BPIFB3: variants seen among roughly 807,000 people sequenced by gnomAD.
The protein encoded by BPIFB3 is BPI fold containing family B member 3, also known as BPI fold-containing family B member 3.
A neutral mutation model predicts 53.1 loss-of-function variants in BPIFB3; 49 were observed. That is an observed-to-expected ratio of 0.92 (90% CI 0.73 to 1.17). The LOEUF (loss-of-function observed/expected upper bound fraction) is 1.17, where lower values mean the gene tolerates loss of function less well. Among genes scored for constraint, BPIFB3 ranks in the 50% most tolerant of loss-of-function variants. The probability of loss-of-function intolerance (pLI) is 0.00; values close to 1 mark genes in which losing one functional copy is unlikely to be tolerated. For synonymous variants in BPIFB3, 271 were observed against 269.6 expected (o/e 1.01, Z -0.05); for missense variants, 628 against 592.5 (o/e 1.06, Z -0.62).
intron 3 of BPIFB3, 52 bp downstream of exon 4, chr20:33,059,534 A>T: frequency 4.4e-6 from 6 of 1,356,808 alleles, no homozygotes; most frequent in Non-Finnish European, 6.2e-6. Flanking sequence ...CCACCCCCTG[A>T]CCTGTTGGAG....
At chr20:33,073,265 G>T (rs11906075) in intron 14 of BPIFB3, among the ~76,000 whole-genome samples, 1,865 of 152,300 alleles carry the variant, frequency 0.012, 41 homozygotes, top group African/African-American at 0.043. Flanking sequence ...AGCTCTAGGA[G>T]GTGGGCAGAG....
chr20:33,070,082 T>C, intron 11 of BPIFB3, 127 bp downstream of exon 12: 1 of 1,070,736 alleles, frequency 9.3e-7, no homozygotes, highest in Non-Finnish European at 1.4e-6. Context: ...GCATCCTCCT[T>C]GCCTTCAGGA....
Position 33,069,956 on chromosome 20 carries a change from G to A in BPIFB3, c.1217+1G>A. 2 of 1,614,152 alleles carry A rather than the reference G, an allele frequency of 1.2e-6. No individual in the cohort carries two copies. Among genetic ancestry groups the A allele is most frequent in the Admixed American group, 3.3e-5 (2 of 60,026 alleles). ...TGCACATCTCCCTGTCCCTGGAACG[G>A]TAACTTGGGATCCTGGGGACAGGAT... On this transcript the variant is annotated splice_donor_variant, in intron 11 of 14. Transcript: ENST00000375494. LOFTEE classifies it high-confidence loss of function.
intron 1 of BPIFB3, among the ~76,000 whole-genome samples, chr20:33,055,833 C>G (rs556679173): frequency 6.6e-6 from 1 of 151,982 alleles, no homozygotes; most frequent in Non-Finnish European, 1.5e-5. Context: ...TTGAAGAGGT[C>G]GAGGGGAGGG....
chr20:33,071,851 A>G (rs1980911003), intron 12 of BPIFB3, among the ~76,000 whole-genome samples: 2 of 152,192 alleles, frequency 1.3e-5, no homozygotes, highest in Non-Finnish European at 2.9e-5. Flanking sequence ...AGAGTCTTAT[A>G]GGAAGGCACT....
chr20:33,073,699 GTGACAGTAAAAATGC>G (rs1273222475), downstream of BPIFB3: 1 of 1,484,504 alleles, frequency 6.7e-7, no homozygotes, highest in Non-Finnish European at 9.3e-7. Context: ...GCTGATGTTG[GTGACAGTAAAAATGC>G]CCTCTGGCCC....
rs562068275 is a variant in BPIFB3 at position 33,064,159 on chromosome 20, G to A, written c.653-298G>A. On this transcript the variant is annotated intron_variant, in intron 6 of 14. Transcript: ENST00000375494. ...GGAAAAGAATAGAAAACTTGGGGCCGGTATGTCTCTATGGGTGGTGTTATG... is the reference window on the plus strand; with the variant it reads ...GGAAAAGAATAGAAAACTTGGGGCCAGTATGTCTCTATGGGTGGTGTTATG... Among the ~76,000 whole-genome samples, 14 of 152,298 alleles carry A rather than the reference G, an allele frequency of 9.2e-5. No homozygotes were observed. The South Asian group carries it at 1.7e-3, about 18-fold the overall frequency.
Position 33,073,563 on chromosome 20 carries a change from T to C in BPIFB3, c.1402-13T>C. On this transcript the variant is annotated splice_polypyrimidine_tract_variant and intron_variant, in intron 14 of 14. Transcript: ENST00000375494. ...GACTCAGGGGTGTAACCAAGAGCGG[T>C]TGTTCCTTACAGAATGCTGTTGTGC... 2 of 1,613,674 alleles carry C rather than the reference T, an allele frequency of 1.2e-6. No homozygotes were observed. The highest frequency in any genetic ancestry group is 1.7e-6 in the Non-Finnish European group (2 of 1,179,826).
intron 13 of BPIFB3, 48 bp from the exon 15 acceptor site, chr20:33,072,669 G>T: frequency 6.5e-7 from 1 of 1,532,170 alleles, no homozygotes; most frequent in Non-Finnish European, 9.0e-7. Flanking sequence ...TAGGGTCCAA[G>T]AGCTCCCCAC....
At chr20:33,059,760 C>G (rs1980366502) in intron 3 of BPIFB3, 131 bp from the exon 5 acceptor site, 2 of 1,345,408 alleles carry the variant, frequency 1.5e-6, no homozygotes, top group Non-Finnish European at 2.0e-6. Context: ...CAGGGAAGTG[C>G]AAAATGGGGC....
Position 33,064,117 on chromosome 20 carries a change from A to G in BPIFB3, c.653-340A>G, listed in dbSNP as rs971999862. Among the ~76,000 whole-genome samples the G allele has an allele frequency of 3.3e-5, 5 of 152,350 alleles. 1 individual carries two copies. The highest frequency in any genetic ancestry group is 6.5e-5 in the Admixed American group (1 of 15,306). On this transcript the variant is annotated intron_variant, in intron 6 of 14. Transcript: ENST00000375494. ...GTTCACAAAATGGGTTTGGGAAAAT[A>G]TAAAAAGGCACAACCAGGAAAAGAA...
chr20:33,060,082 G>T (rs373214888), intron 4 of BPIFB3, 51 bp downstream of exon 5: 37 of 1,590,170 alleles, frequency 2.3e-5, no homozygotes, highest in Admixed American at 5.1e-5. Flanking sequence ...GGATCATCTC[G>T]CACCCATCTG....
Position 33,059,886 on chromosome 20 carries a change from T to G in BPIFB3, c.387-5T>G, listed in dbSNP as rs778582588. On this transcript the variant is annotated splice_polypyrimidine_tract_variant and splice_region_variant and intron_variant, in intron 3 of 14. Transcript: ENST00000375494. ...TGGCCACACCCCCAGTGTCCTTTCTTGCAGCCCCCTTGGTGGCCTTCTGCA... is the reference window on the plus strand; with the variant it reads ...TGGCCACACCCCCAGTGTCCTTTCTGGCAGCCCCCTTGGTGGCCTTCTGCA... The G allele has an allele frequency of 7.1e-5, 114 of 1,613,390 alleles. No individual in the cohort carries two copies. Among genetic ancestry groups the G allele is most frequent in the South Asian group, 1.4e-4 (13 of 90,978 alleles).
chr20:33,066,460 T>C (rs1034007515), intron 8 of BPIFB3, among the ~76,000 whole-genome samples: 2 of 152,122 alleles, frequency 1.3e-5, no homozygotes, highest in African/African-American at 4.8e-5. Flanking sequence ...CTTGGCAGAG[T>C]AAAAGGTTTT....
In BPIFB3 at chr20:33,058,459, T is replaced by C. The variant is rs78231587; in HGVS notation, c.282-919T>C. On this transcript the variant is annotated intron_variant, in intron 2 of 14. Coordinates refer to ENST00000375494, the Ensembl canonical transcript of BPIFB3. ...GAGCTGGAGTTTGAACCATCTGCCT[T>C]TTACTGGCTGCAGTATTAGCAGCTA... 1.9e-4 allele frequency among the ~76,000 whole-genome samples: 29 copies of C among 152,250 alleles called. 1 individual carries two copies. In the East Asian group the frequency reaches 4.6e-3, roughly 24 times the overall value.
Position 33,056,656 on chromosome 20 carries a change from TGG to T in BPIFB3, c.241_242del (p.Gly81ProfsTer17), listed in dbSNP as rs1980221444. 1.2e-6 allele frequency: 2 copies of T among 1,611,932 alleles called. No homozygotes were observed. Among genetic ancestry groups the T allele is most frequent in the African/African-American group, 2.7e-5 (2 of 74,868 alleles). ...GGGCTGCTTGGAGGAGGCGGCTTGC[TGG>T]GCCACGGAGGGGTTTTTGGCGTTGT... On this transcript the variant is annotated frameshift_variant, in exon 2 of 15. Coordinates refer to ENST00000375494, the Ensembl canonical transcript of BPIFB3. LOFTEE classifies it high-confidence loss of function.
At chr20:33,069,612 C>T (rs760405125) in intron 10 of BPIFB3, among the ~76,000 whole-genome samples, 2 of 152,218 alleles carry the variant, frequency 1.3e-5, no homozygotes, top group African/African-American at 2.4e-5. Flanking sequence ...CTTCCCTCAC[C>T]GTACAGCAGG....
chr20:33,073,150 G>A (rs2146395370), intron 14 of BPIFB3, among the ~76,000 whole-genome samples: 1 of 152,262 alleles, frequency 6.6e-6, no homozygotes, highest in Middle Eastern at 3.4e-3. Flanking sequence ...CCCTTATCTT[G>A]TGTCTGCAGC....
chr20:33,060,076 C>A, intron 4 of BPIFB3, 45 bp downstream of exon 5: 1 of 1,594,164 alleles, frequency 6.3e-7, no homozygotes, highest in South Asian at 1.1e-5. Context: ...CGCTCAGGAT[C>A]ATCTCGCACC....
Sources: allele counts gnomAD v4.1 joint callset (sites outside exome capture counted in the v4.1 genomes callset), GRCh38; gene constraint gnomAD v4.1.1; transcripts MANE v1.5; gene names NCBI Gene and HGNC (gene_info 2026-07-23, HGNC 2026-07-21).